Variants in SPTBN1 observed in about 807,000 individuals in gnomAD.
SPTBN1 encodes spectrin beta, non-erythrocytic 1.
SPTBN1 carries 32 observed loss-of-function variants against 266.4 expected under a neutral mutation model. The observed-to-expected ratio is 0.12, with a 90% CI of 0.09 to 0.16. SPTBN1 has a LOEUF of 0.16. Ranked by LOEUF, SPTBN1 falls within the 10% of genes least tolerant of loss-of-function variation. The pLI, the probability that SPTBN1 is intolerant of heterozygous loss-of-function variation, is 1.00. For synonymous variants in SPTBN1, 1,336 were observed against 1,162.2 expected, an observed-to-expected ratio of 1.15 and a Z score of -3.04; for missense variants, 2,296 against 3,067.1, an observed-to-expected ratio of 0.75 and a Z score of 5.94.
At chr2:54,637,623 A>G (rs1679241172) in intron 17 of SPTBN1, 90 bp from the exon 18 acceptor site, 4 of 1,024,650 alleles carry the variant, frequency 3.9e-6, no homozygotes, top group African/African-American at 3.2e-5. Context: ...TAGCATAGTT[A>G]GGAATTCAGG....
intron 33 of SPTBN1, 31 bp from the exon 34 acceptor site, chr2:54,665,884 C>G (rs868160572): frequency 5.0e-6 from 8 of 1,587,074 alleles, no homozygotes; most frequent in African/African-American, 1.4e-5. Context: ...GAGCCTTTAT[C>G]TCCCCCTGCC....
At chr2:54,610,819 A>T (rs1429238277) in intron 3 of SPTBN1, among the ~76,000 whole-genome samples, 1 of 152,208 alleles carries the variant, frequency 6.6e-6, no homozygotes, top group Non-Finnish European at 1.5e-5. Context: ...TTTGGGTCTC[A>T]TGATATTAGT....
chr2:54,572,753 T>G (rs1240410173), intron 2 of SPTBN1, among the ~76,000 whole-genome samples: 2 of 152,204 alleles, frequency 1.3e-5, no homozygotes, highest in African/African-American at 2.4e-5. Context: ...TTTTTAAAAG[T>G]CATACTCGTT....
chr2:54,648,206 G>T lies in SPTBN1; in HGVS notation c.4998-780G>T, dbSNP rs538799226. Among the ~76,000 whole-genome samples, 13 of 152,324 alleles carry T rather than the reference G, an allele frequency of 8.5e-5. No individual in the cohort carries two copies. In the South Asian group the frequency reaches 2.7e-3, roughly 32 times the overall value. ...GGCCTTGTGCATTTAACCAGGGCAGGTTAGGGGAGATGAGGTCAGTGGCTC... is the reference window on the plus strand; with the variant it reads ...GGCCTTGTGCATTTAACCAGGGCAGTTTAGGGGAGATGAGGTCAGTGGCTC... On this transcript the variant is annotated intron_variant, in intron 24 of 35. Coordinates refer to ENST00000356805, the MANE Select transcript of SPTBN1 (RefSeq NM_003128.3).
chr2:54,662,310 T>C (rs920329189), intron 32 of SPTBN1: 22 of 985,288 alleles, frequency 2.2e-5, no homozygotes, highest in Non-Finnish European at 2.7e-5. Context: ...TTCCTTTTAT[T>C]TTCCTTGTTT....
At chr2:54,630,450 TA>T (rs1467301165) in intron 15 of SPTBN1, among the ~76,000 whole-genome samples, 2 of 152,252 alleles carry the variant, frequency 1.3e-5, no homozygotes, top group Non-Finnish European at 2.9e-5. Flanking sequence ...TTCTGTTGAG[TA>T]AACATGTTTG....
At chr2:54,526,253 C>A in intron 1 of SPTBN1, 119 bp from the exon 2 acceptor site, 2 of 772,058 alleles carry the variant, frequency 2.6e-6, no homozygotes, top group Non-Finnish European at 2.0e-6. Flanking sequence ...AGCATTGCTC[C>A]AGAAGACCTA....
chr2:54,572,452 TGTGA>T (rs1317202679), intron 2 of SPTBN1, among the ~76,000 whole-genome samples: 4 of 152,134 alleles, frequency 2.6e-5, no homozygotes, highest in Admixed American at 2.6e-4. Flanking sequence ...GAGATAACAG[TGTGA>T]GTAATGCTTT....
intron 1 of SPTBN1, among the ~76,000 whole-genome samples, chr2:54,522,671 A>AGGG (rs1170077430): frequency 1.0e-5 from 1 of 99,510 alleles, no homozygotes; most frequent in Non-Finnish European, 2.1e-5. Flanking sequence ...AGAGAGAGAG[A>AGGG]GAGAGAGGAG....
chr2:54,534,215 C>T (rs1671461347), intron 2 of SPTBN1, among the ~76,000 whole-genome samples: 1 of 152,214 alleles, frequency 6.6e-6, no homozygotes, highest in African/African-American at 2.4e-5. Flanking sequence ...ACCTAACATT[C>T]TGTTCAGAGG....
intron 1 of SPTBN1, among the ~76,000 whole-genome samples, chr2:54,492,174 G>A (rs958521420): frequency 4.6e-5 from 7 of 152,004 alleles, no homozygotes; most frequent in Middle Eastern, 3.4e-3. Context: ...TCCAGTTTAC[G>A]GTTTGCGCTC....
chr2:54,626,348 A>G lies in SPTBN1; in HGVS notation c.1644+114A>G. ...CTGTGTGCCTTGTCTAACTGCCCAC[A>G]TGTACAGCTAGAGAGGAGCCACATC... On this transcript the variant is annotated intron_variant, in intron 12 of 35. Coordinates refer to ENST00000356805, the MANE Select transcript of SPTBN1 (RefSeq NM_003128.3). The surrounding 1 kb of genome is among the most constrained non-coding windows in gnomAD (Gnocchi z 4.7). 7.8e-7 allele frequency: 1 copy of G among 1,285,450 alleles called. No homozygotes were observed. Among genetic ancestry groups the G allele is most frequent in the East Asian group, 2.5e-5 (1 of 39,252 alleles). 79.6% of individuals were successfully genotyped at this position (1,285,450 alleles called of 1,614,324 possible).
intron 18 of SPTBN1, among the ~76,000 whole-genome samples, chr2:54,642,653 T>C (rs1217388236): frequency 6.6e-6 from 1 of 151,718 alleles, no homozygotes; most frequent in East Asian, 1.9e-4. Flanking sequence ...AAAAGAGTCA[T>C]GTCTTGGAGT....
At chr2:54,550,787 C>T (rs528524797) in intron 2 of SPTBN1, among the ~76,000 whole-genome samples, 4 of 152,310 alleles carry the variant, frequency 2.6e-5, no homozygotes, top group African/African-American at 9.6e-5. Context: ...CTGATTTCCT[C>T]AGCTAGGTTG....
intron 2 of SPTBN1, chr2:54,546,644 G>C (rs1004890672): frequency 6.6e-6 from 1 of 152,322 alleles, no homozygotes; most frequent in African/African-American, 2.4e-5. Flanking sequence ...TGTGGGAAAT[G>C]GATAAACTCT....
intron 1 of SPTBN1, among the ~76,000 whole-genome samples, chr2:54,509,519 C>T (rs188056642): frequency 6.6e-6 from 1 of 152,326 alleles, no homozygotes; most frequent in East Asian, 1.9e-4. Context: ...GATGGCCAGC[C>T]TAAAACAGTA....
At chr2:54,487,832 C>CTCTCTTTTTTTTTTTTTTTT (rs1426296541) in intron 1 of SPTBN1, among the ~76,000 whole-genome samples, 1 of 68,644 alleles carries the variant, frequency 1.5e-5, no homozygotes, top group Non-Finnish European at 2.6e-5. Context: ...CCTCCTGTGT[C>CTCTCTTTTTTTTTTTTTTTT]TTTTTTTTTT....
intron 1 of SPTBN1, among the ~76,000 whole-genome samples, chr2:54,473,214 A>G (rs531743157): frequency 7.4e-4 from 112 of 152,290 alleles, no homozygotes; most frequent in African/African-American, 2.6e-3. Flanking sequence ...GAGATTTATA[A>G]TTTGTAATTA....
At chr2:54,569,441 C>T (rs529681001) in intron 2 of SPTBN1, among the ~76,000 whole-genome samples, 10 of 152,256 alleles carry the variant, frequency 6.6e-5, no homozygotes, top group East Asian at 5.8e-4. Flanking sequence ...GAATAGTTCA[C>T]GTAAGATCCC....
Sources: gnomAD v4.1 joint callset for allele counts (sites outside exome capture counted in the v4.1 genomes callset) on GRCh38, gnomAD v4.1.1 for gene constraint, Gnocchi (gnomAD v3.1) non-coding constraint, MANE v1.5 for transcripts, NCBI Gene and HGNC (gene_info 2026-07-23, HGNC 2026-07-21) for gene names.